The following ABL1 variants were observed in gnomAD, a reference collection of about 807,000 sequenced individuals.
The protein encoded by ABL1 is tyrosine-protein kinase ABL1.
In ABL1, 11 loss-of-function variants were observed where a neutral mutation model predicts 94.7. That is an observed-to-expected ratio of 0.12 (90% CI 0.07 to 0.19). ABL1 has a LOEUF of 0.19. ABL1 is among the 10% of genes least tolerant of loss of function. The pLI is 1.00. For missense variants in ABL1, 1,082 were observed against 1,489.4 expected, an observed-to-expected ratio of 0.73 and a Z score of 4.50; for synonymous variants, 656 against 622.4, an observed-to-expected ratio of 1.05 and a Z score of -0.80.
At chr9:130,781,379 C>T (rs1829753544) in intron 1 of ABL1, among the ~76,000 whole-genome samples, 2 of 152,166 alleles carry the variant, frequency 1.3e-5, no homozygotes, top group African/African-American at 4.8e-5. Context: ...CACCCTCAGG[C>T]ACACACGCAC....
chr9:130,744,981 T>C (rs1475261413), intron 1 of ABL1, among the ~76,000 whole-genome samples: 1 of 152,110 alleles, frequency 6.6e-6, no homozygotes, highest in Non-Finnish European at 1.5e-5. Context: ...TTCGAGGTTT[T>C]GGGGTAGAAT....
intron 1 of ABL1, among the ~76,000 whole-genome samples, chr9:130,759,918 A>T (rs1389076078): frequency 6.6e-6 from 1 of 151,508 alleles, no homozygotes; most frequent in Admixed American, 6.6e-5. Context: ...TCAGCCTCTC[A>T]ACTAGCTGGG....
At chr9:130,849,357 A>T (rs1830821879) in intron 1 of ABL1, among the ~76,000 whole-genome samples, 1 of 152,174 alleles carries the variant, frequency 6.6e-6, no homozygotes, top group Non-Finnish European at 1.5e-5. Flanking sequence ...GTTGCCCTCA[A>T]TTTATACACC....
At chr9:130,721,377 CA>C (rs1403802135) in intron 1 of ABL1, among the ~76,000 whole-genome samples, 1 of 151,594 alleles carries the variant, frequency 6.6e-6, no homozygotes, top group African/African-American at 2.4e-5. Flanking sequence ...GGCTCTGTCT[CA>C]AAAAAACAAA....
intron 1 of ABL1, among the ~76,000 whole-genome samples, chr9:130,745,128 A>G (rs1341008666): frequency 7.2e-6 from 1 of 139,502 alleles, no homozygotes. Context: ...CTTGTTGCCC[A>G]GGCTGGAGGG....
At chr9:130,740,679 A>C (rs530965013) in intron 1 of ABL1, among the ~76,000 whole-genome samples, 1 of 152,218 alleles carries the variant, frequency 6.6e-6, no homozygotes, top group South Asian at 2.1e-4. Context: ...CTTTTGAGTC[A>C]AGGTCTTGCT....
intron 1 of ABL1, among the ~76,000 whole-genome samples, chr9:130,738,406 C>G (rs7020891): frequency 0.32 from 49,076 of 152,028 alleles, 11,588 homozygotes; most frequent in African/African-American, 0.65. Flanking sequence ...TAAGAACTTA[C>G]TAGCAATCCG....
rs1268600913 is a variant in ABL1, at chr9:130,814,244, G to A, written c.137-39820G>A. On this transcript the variant is annotated intron_variant, in intron 1 of 10. Coordinates refer to the ABL1 transcript ENST00000372348. The surrounding 1 kb of genome is among the most constrained non-coding windows in gnomAD (Gnocchi z 4.4). ...GGAGGTTGCAGTGAACCGAGATCGC[G>A]CCATTGCACTCCACCCTAGCGACAG... is the stretch of plus-strand genomic sequence containing the variant. 6.6e-6 allele frequency among the ~76,000 whole-genome samples: 1 copy of A among 151,018 alleles called. No homozygotes were observed. Among genetic ancestry groups the A allele is most frequent in the East Asian group, 1.9e-4 (1 of 5,132 alleles).
chr9:130,809,999 C>T (rs1830185931), intron 1 of ABL1, among the ~76,000 whole-genome samples: 1 of 152,206 alleles, frequency 6.6e-6, no homozygotes, highest in African/African-American at 2.4e-5. Flanking sequence ...ACAAAACCAT[C>T]TAGGACCGAG....
intron 1 of ABL1, among the ~76,000 whole-genome samples, chr9:130,786,280 T>C (rs1284344356): frequency 6.6e-6 from 1 of 152,072 alleles, no homozygotes; most frequent in Admixed American, 6.6e-5. Context: ...TCTGGGTGAT[T>C]TAGGGTAGGA....
chr9:130,814,500 T>C lies in ABL1; in HGVS notation c.137-39564T>C, dbSNP rs571672068. ...TGACATCACACAGATTCTAAAGATA[T>C]TGAAAGTGTAATAACTGAATATTGA... On this transcript the variant is annotated intron_variant, in intron 1 of 10. Coordinates refer to the ABL1 transcript ENST00000372348. This position sits in a 1 kb window ranked among gnomAD's most constrained non-coding sequence, Gnocchi z 4.4. Among the ~76,000 whole-genome samples the C allele has an allele frequency of 1.5e-4, 23 of 152,270 alleles. No individual in the cohort carries two copies. The highest frequency in any genetic ancestry group is 2.5e-4 in the Non-Finnish European group (17 of 68,022).
At position 130,880,243 on chromosome 9, in the gene ABL1, G is replaced by A; in HGVS notation, c.1513+86G>A. 1 of 1,428,404 alleles carries A rather than the reference G, an allele frequency of 7.0e-7. No individual in the cohort carries two copies. Among genetic ancestry groups the A allele is most frequent in the Non-Finnish European group, 9.9e-7 (1 of 1,013,242 alleles). The allele number at this position is 1,428,404 out of a possible 1,614,324, so 88.5% of individuals were successfully genotyped here. A position where few individuals can be genotyped will look rare whatever the true frequency, so the allele number is the denominator to read the frequency against. On this transcript the variant is annotated intron_variant, in intron 9 of 10. Coordinates refer to ENST00000318560, the MANE Select transcript of ABL1 (RefSeq NM_005157.6). This position sits in a 1 kb window ranked among gnomAD's most constrained non-coding sequence, Gnocchi z 4.4. Reference sequence around the variant, plus strand: ...GCCTGGGTCATTCGGTTCACTTCCTGGTGAAAGTTCACAGACCAGCCTGTC... The same window carrying A: ...GCCTGGGTCATTCGGTTCACTTCCTAGTGAAAGTTCACAGACCAGCCTGTC...
intron 1 of ABL1, among the ~76,000 whole-genome samples, chr9:130,850,093 A>G (rs1830832634): frequency 6.6e-6 from 1 of 152,124 alleles, no homozygotes; most frequent in African/African-American, 2.4e-5. Context: ...TAGCCACACT[A>G]CCACTGTCTG....
chr9:130,855,143 A>T, intron 3 of ABL1, 47 bp downstream of exon 3: 1 of 1,551,184 alleles, frequency 6.4e-7, no homozygotes, highest in Non-Finnish European at 8.7e-7. Context: ...GGGCAGGGGA[A>T]CCAGAGGTCC....
intron 4 of ABL1, among the ~76,000 whole-genome samples, chr9:130,869,852 TCTCA>T (rs1426752080): frequency 6.6e-6 from 1 of 152,196 alleles, no homozygotes; most frequent in East Asian, 1.9e-4. Context: ...TGAGATGAAG[TCTCA>T]CTCTGTCGCC....
At chr9:130,833,916 T>C (rs986146638), upstream of ABL1, 2 of 429,826 alleles carry the variant, frequency 4.7e-6, no homozygotes, top group African/African-American at 2.0e-5. Context: ...CTGAAACATA[T>C]AATGACAATG....
intron 1 of ABL1, among the ~76,000 whole-genome samples, chr9:130,780,376 C>G (rs899211969): frequency 1.3e-5 from 2 of 152,300 alleles, no homozygotes; most frequent in South Asian, 2.1e-4. Context: ...TAGGAAGAAG[C>G]CATACGGTGA....
rs186032114 is a variant in ABL1 at position 130,802,333 on chromosome 9, A to G, written c.137-51731A>G. ...GGTCTTGAACTCCTGGGCTCAAGCA[A>G]TCCACCTGCCCTGGTCTCCCAAAAT... On this transcript the variant is annotated intron_variant, in intron 1 of 10. Coordinates refer to the ABL1 transcript ENST00000372348. Among the ~76,000 whole-genome samples the G allele has an allele frequency of 1.8e-3, 281 of 152,126 alleles. 1 individual carries two copies. The highest frequency in any genetic ancestry group is 6.8e-3 in the Middle Eastern group (2 of 294).
At chr9:130,714,636 G>A in intron 1 of ABL1, 1 of 821,712 alleles carries the variant, frequency 1.2e-6, no homozygotes, top group Middle Eastern at 2.2e-4. Context: ...CGTGACTTCG[G>A]CTTTATTCAA....
Sources: gnomAD v4.1 joint callset for allele counts (sites outside exome capture counted in the v4.1 genomes callset) on GRCh38, gnomAD v4.1.1 for gene constraint, Gnocchi (gnomAD v3.1) non-coding constraint, MANE v1.5 for transcripts, NCBI Gene and HGNC (gene_info 2026-07-23, HGNC 2026-07-21) for gene names.